PLXNA2: variants seen among roughly 807,000 people sequenced by gnomAD.
PLXNA2 encodes the protein plexin A2, also known as plexin-A2.
Under a neutral mutation model 193.5 loss-of-function variants are expected in PLXNA2, and 91 were observed. That is an observed-to-expected ratio of 0.47 (90% confidence interval 0.40 to 0.56). The LOEUF (loss-of-function observed/expected upper bound fraction) is 0.56, where lower values mean the gene tolerates loss of function less well. Ranked by LOEUF, PLXNA2 falls within the 20% of genes least tolerant of loss-of-function variation. The pLI, the probability that PLXNA2 is intolerant of heterozygous loss-of-function variation, is 0.00. For missense variants in PLXNA2, 1,995 were observed against 2,503.2 expected (o/e 0.80, Z 4.33); for synonymous variants, 997 against 1,027.3 (o/e 0.97, Z 0.56).
At chr1:208,146,467 A>G (rs938567788) in intron 3 of PLXNA2, among the ~76,000 whole-genome samples, 2 of 152,220 alleles carry the variant, frequency 1.3e-5, no homozygotes, top group Admixed American at 1.3e-4. Context: ...TGGGGTCCAG[A>G]GGAAAGCACA....
chr1:208,220,965 C>T (rs774696215), intron 1 of PLXNA2, among the ~76,000 whole-genome samples: 7 of 152,158 alleles, frequency 4.6e-5, no homozygotes, highest in Non-Finnish European at 8.8e-5. Context: ...CTTTGTCATA[C>T]TACTGCACAA....
Position 208,066,459 on chromosome 1 carries a change from G to A in PLXNA2, c.2587-5622C>T, listed in dbSNP as rs141169173. On this transcript the variant is annotated intron_variant, in intron 12 of 31. Transcript: ENST00000367033. ...TTGGTCAATGACGGACCATATATACGACGATGGTTCTTTAAGATCATAATG... is the reference window on the plus strand; with the variant it reads ...TTGGTCAATGACGGACCATATATACAACGATGGTTCTTTAAGATCATAATG... Among the ~76,000 whole-genome samples the A allele has an allele frequency of 7.6e-3, 1,155 of 152,274 alleles. 12 individuals carry two copies. Among genetic ancestry groups the A allele is most frequent in the African/African-American group, 0.025 (1,036 of 41,528 alleles).
Position 208,051,380 on chromosome 1 carries a change from T to C in PLXNA2, c.3037A>G (p.Asn1013Asp). Reference protein sequence around the residue: ...EIVCVSPPSSNGLGPVPVSVS... With the variant: ...EIVCVSPPSSDGLGPVPVSVS... The stretch of plus-strand genomic sequence containing the variant: ...GAAACAGGGACCGGGCCAAGGCCAT[T>C]GGATGATGGGGGTGAGACACACACG... The change falls in exon 16 of 32, where the codon AAT (asparagine) becomes GAT (aspartate). Residue 1013 changes from asparagine to aspartate, a missense_variant. By Grantham distance (23) the Asn-to-Asp change is conservative. Around this residue, in one of 3 missense-constraint regions of PLXNA2, gnomAD observed 1,291 missense variants for 1,673.6 expected, o/e 0.77. Transcript: ENST00000367033. 1.2e-6 allele frequency: 2 copies of C among 1,612,890 alleles called. No homozygotes were observed. The highest frequency in any genetic ancestry group is 1.7e-6 in the Non-Finnish European group (2 of 1,179,728).
chr1:208,214,183 A>T (rs1166441700), intron 2 of PLXNA2, among the ~76,000 whole-genome samples: 1 of 152,138 alleles, frequency 6.6e-6, no homozygotes, highest in African/African-American at 2.4e-5. Flanking sequence ...CAACAGTAAG[A>T]TAACTAAGAA....
Position 208,066,357 on chromosome 1 carries a change from G to A in PLXNA2, c.2587-5520C>T, listed in dbSNP as rs373576766. 7.2e-5 allele frequency among the ~76,000 whole-genome samples: 11 copies of A among 152,212 alleles called. No individual in the cohort carries two copies. In the East Asian group the frequency reaches 1.4e-3, roughly 19 times the overall value. On this transcript the variant is annotated intron_variant, in intron 12 of 31. Coordinates refer to ENST00000367033, the MANE Select transcript of PLXNA2 (RefSeq NM_025179.4). The stretch of plus-strand genomic sequence containing the variant: ...CTGCCTGTGTGCCCCTCCTCTGCCC[G>A]CCCCTCACACTTGGGACCCCCAGAG...
chr1:208,209,819 G>C (rs2102598006), intron 3 of PLXNA2, among the ~76,000 whole-genome samples: 1 of 152,138 alleles, frequency 6.6e-6, no homozygotes, highest in South Asian at 2.1e-4. Flanking sequence ...GTTTACCCCA[G>C]GTCTTAGAAT....
At chr1:208,127,865 G>A (rs573614116) in intron 4 of PLXNA2, among the ~76,000 whole-genome samples, 36 of 152,340 alleles carry the variant, frequency 2.4e-4, no homozygotes, top group Non-Finnish European at 3.5e-4. Flanking sequence ...CCCCCCTGGC[G>A]GGAGCAGCGA....
intron 4 of PLXNA2, among the ~76,000 whole-genome samples, chr1:208,108,048 G>A (rs373572470): frequency 2.7e-4 from 41 of 152,254 alleles, no homozygotes; most frequent in African/African-American, 9.4e-4. Flanking sequence ...CTGGCCCCGG[G>A]GCCCCGCGTC....
intron 3 of PLXNA2, among the ~76,000 whole-genome samples, chr1:208,159,630 A>G (rs1669046987): frequency 6.6e-6 from 1 of 152,174 alleles, no homozygotes; most frequent in Non-Finnish European, 1.5e-5. Context: ...GAAGATCTGA[A>G]AGTCTGGTGC....
chr1:208,210,969 A>G (rs1289242596), intron 2 of PLXNA2, among the ~76,000 whole-genome samples: 1 of 152,172 alleles, frequency 6.6e-6, no homozygotes, highest in Non-Finnish European at 1.5e-5. Flanking sequence ...TCAACTATCC[A>G]GTTGTTTAAT....
At chr1:208,231,074 T>G (rs1009002561) in intron 1 of PLXNA2, among the ~76,000 whole-genome samples, 4 of 152,034 alleles carry the variant, frequency 2.6e-5, no homozygotes, top group African/African-American at 4.8e-5. Context: ...TAGTAGACAT[T>G]TGAGACCCTT....
chr1:208,069,362 C>T (rs555498628), intron 12 of PLXNA2, among the ~76,000 whole-genome samples: 3 of 152,276 alleles, frequency 2.0e-5, no homozygotes, highest in Non-Finnish European at 4.4e-5. Context: ...AATCTGTATT[C>T]CTGCCAGACC....
intron 3 of PLXNA2, among the ~76,000 whole-genome samples, chr1:208,169,869 C>T (rs974251639): frequency 1.3e-5 from 2 of 151,874 alleles, no homozygotes; most frequent in Non-Finnish European, 2.9e-5. Flanking sequence ...ATTGGATGAA[C>T]TCTAAAATCT....
intron 1 of PLXNA2, among the ~76,000 whole-genome samples, chr1:208,221,861 A>T (rs1361381142): frequency 6.6e-6 from 1 of 152,192 alleles, no homozygotes; most frequent in Non-Finnish European, 1.5e-5. Context: ...CTGGACGCAA[A>T]TGGAGCCTAT....
At chr1:208,209,994 T>TC in intron 3 of PLXNA2, 1 of 182,748 alleles carries the variant, frequency 5.5e-6, no homozygotes, top group African/African-American at 2.4e-5. Flanking sequence ...TTTTTTTTTT[T>TC]TTTTTTTTTT....
At position 208,236,992 on chromosome 1, in the gene PLXNA2, A is replaced by C. The variant is rs1249861; in HGVS notation, c.-81+6651T>G. ...GCCTCAGACGAGGTGCAGGGAGAGC[A>C]TGACCTTCCTTTATAGGATTAGAGA... On this transcript the variant is annotated intron_variant, in intron 1 of 31. Coordinates refer to ENST00000367033, the MANE Select transcript of PLXNA2 (RefSeq NM_025179.4). The surrounding 1 kb of genome is among the most constrained non-coding windows in gnomAD (Gnocchi z 4.4). Among the ~76,000 whole-genome samples, 1,930 of 152,338 alleles carry C rather than the reference A, an allele frequency of 0.013. 33 individuals are homozygous for C. The highest frequency in any genetic ancestry group is 0.043 in the African/African-American group (1,797 of 41,568).
intron 4 of PLXNA2, among the ~76,000 whole-genome samples, chr1:208,121,981 C>G (rs1164046422): frequency 6.6e-6 from 1 of 152,146 alleles, no homozygotes; most frequent in African/African-American, 2.4e-5. Context: ...GCCCACCACA[C>G]TCATCTCCCC....
chr1:208,107,719 C>G (rs573943304), intron 4 of PLXNA2, among the ~76,000 whole-genome samples: 3 of 152,146 alleles, frequency 2.0e-5, no homozygotes, highest in Admixed American at 6.5e-5. Flanking sequence ...CATTTGTTTA[C>G]TATTATTGCA....
intron 4 of PLXNA2, among the ~76,000 whole-genome samples, chr1:208,136,043 G>A (rs1668291341): frequency 6.6e-6 from 1 of 152,206 alleles, no homozygotes; most frequent in African/African-American, 2.4e-5. Context: ...ACACATGGCA[G>A]GGACTTGTCT....
Sources: gnomAD v4.1 joint callset for allele counts (sites outside exome capture counted in the v4.1 genomes callset) on GRCh38, gnomAD v4.1.1 for gene constraint, gnomAD v4.1.1 regional missense constraint, Gnocchi (gnomAD v3.1) non-coding constraint, MANE v1.5 for transcripts, NCBI Gene and HGNC (gene_info 2026-07-23, HGNC 2026-07-21) for gene names.